The following MCPH1 variants were observed in gnomAD, a reference collection of about 807,000 sequenced individuals.
MCPH1 encodes the protein microcephalin.
Under a neutral mutation model 84.5 loss-of-function variants are expected in MCPH1, and 104 were observed. That is an observed-to-expected ratio of 1.23 (90% CI 1.05 to 1.45). The LOEUF (loss-of-function observed/expected upper bound fraction) is 1.45. Among genes scored for constraint, MCPH1 ranks in the 40% most tolerant of loss-of-function variants. The pLI is 0.00. For missense variants in MCPH1, 1,498 were observed against 1,005.7 expected, an observed-to-expected ratio of 1.49 and a Z score of -6.62; for synonymous variants, 514 against 366.8, an observed-to-expected ratio of 1.40 and a Z score of -4.58.
chr8:6,602,855 A>G (rs1048060487), intron 12 of MCPH1, among the ~76,000 whole-genome samples: 2 of 152,098 alleles, frequency 1.3e-5, no homozygotes, highest in African/African-American at 4.8e-5. Flanking sequence ...GGCTATTTAA[A>G]GAGATGCAAT....
intron 12 of MCPH1, among the ~76,000 whole-genome samples, chr8:6,568,309 C>G (rs1407713434): frequency 1.4e-5 from 2 of 141,010 alleles, no homozygotes; most frequent in African/African-American, 5.8e-5. Context: ...CCATCGCTAG[C>G]TGAATGTGGA....
intron 12 of MCPH1, among the ~76,000 whole-genome samples, chr8:6,504,063 A>T (rs1256076256): frequency 1.3e-5 from 2 of 152,212 alleles, no homozygotes; most frequent in African/African-American, 4.8e-5. Flanking sequence ...TCACGCCTGT[A>T]ATCCCAGCAC....
intron 12 of MCPH1, among the ~76,000 whole-genome samples, chr8:6,613,520 G>A (rs746202648): frequency 2.0e-5 from 3 of 152,046 alleles, no homozygotes; most frequent in African/African-American, 2.4e-5. Flanking sequence ...AGTCGCATCC[G>A]CTGGGCAGGG....
chr8:6,439,136 C>A (rs761465085), intron 6 of MCPH1, 40 bp downstream of exon 6: 29 of 1,585,992 alleles, frequency 1.8e-5, no homozygotes, highest in Non-Finnish European at 2.4e-5. Context: ...ATGCAAATAG[C>A]CGATTCAATT....
chr8:6,439,527 G>T (rs1803192552), intron 6 of MCPH1, among the ~76,000 whole-genome samples: 1 of 151,388 alleles, frequency 6.6e-6, no homozygotes, highest in Non-Finnish European at 1.5e-5. Context: ...TGGGATTACA[G>T]GCGCCTGTCA....
intron 9 of MCPH1, among the ~76,000 whole-genome samples, chr8:6,465,456 T>A (rs1352946197): frequency 6.6e-6 from 1 of 152,194 alleles, no homozygotes; most frequent in Non-Finnish European, 1.5e-5. Context: ...ATTCTCTTCC[T>A]CTTACCAGTA....
In MCPH1 at chr8:6,527,282, A is replaced by G. The variant is rs138063769; in HGVS notation, c.2214+27353A>G. 2.2e-3 allele frequency among the ~76,000 whole-genome samples: 329 copies of G among 151,970 alleles called. 1 individual carries two copies. The highest frequency in any genetic ancestry group is 7.8e-3 in the African/African-American group (321 of 41,388). Reference sequence around the variant, plus strand: ...AGCTGTATTTTTATAATAGATTAGCATGCAGAATACTGAGGCAGGGTTTGG... The same window carrying G: ...AGCTGTATTTTTATAATAGATTAGCGTGCAGAATACTGAGGCAGGGTTTGG... On this transcript the variant is annotated intron_variant, in intron 12 of 13. Transcript: ENST00000344683.
intron 12 of MCPH1, among the ~76,000 whole-genome samples, chr8:6,610,392 T>C (rs1342209597): frequency 6.6e-6 from 1 of 152,242 alleles, no homozygotes; most frequent in Non-Finnish European, 1.5e-5. Context: ...GATTAGAATA[T>C]CCTTTTATAA....
intron 8 of MCPH1, among the ~76,000 whole-genome samples, chr8:6,452,521 G>A (rs949533739): frequency 6.6e-6 from 1 of 152,252 alleles, no homozygotes; most frequent in Non-Finnish European, 1.5e-5. Context: ...GGGAAATGCT[G>A]TGGACCAAAT....
Position 6,531,918 on chromosome 8 carries a change from G to T in MCPH1, c.2214+31989G>T, listed in dbSNP as rs144209712. ...ATTCAGGTTTTATCTTAACTCAAGA[G>T]TTAGATTTAAGGCCAGAGTTTCTAG... On this transcript the variant is annotated intron_variant, in intron 12 of 13. Transcript: ENST00000344683. Among the ~76,000 whole-genome samples, 930 of 152,320 alleles carry T rather than the reference G, an allele frequency of 6.1e-3. 5 individuals carry two copies. The highest frequency in any genetic ancestry group is 0.01 in the Non-Finnish European group (684 of 68,032).
chr8:6,508,716 T>C, intron 12 of MCPH1: 2 of 655,412 alleles, frequency 3.1e-6, no homozygotes, highest in South Asian at 1.9e-5. Flanking sequence ...GGAGACACAG[T>C]TGGCTTGCTG....
At chr8:6,602,524 T>C (rs981411172) in intron 12 of MCPH1, among the ~76,000 whole-genome samples, 6 of 152,104 alleles carry the variant, frequency 3.9e-5, no homozygotes, top group African/African-American at 1.4e-4. Flanking sequence ...GGTGTGGGGC[T>C]GAGTGGCGGC....
Position 6,445,463 on chromosome 8 carries a change from G to C in MCPH1, c.1741G>C (p.Glu581Gln). ...SNSSEGEAQS[E>Q]HEPCFIVDCN... is the part of the protein sequence containing the mutation. ...CTCCTCTGAAGGCGAAGCCCAGAGTGAACATGAGCCATGTTTTATAGTTGA... is the reference window on the plus strand; with the variant it reads ...CTCCTCTGAAGGCGAAGCCCAGAGTCAACATGAGCCATGTTTTATAGTTGA... Residue 581 changes from glutamate (E) to glutamine (Q), a missense_variant, in exon 8 of 14, where the codon GAA becomes CAA. By Grantham distance (29) the Glu-to-Gln change is conservative. Coordinates refer to ENST00000344683, the MANE Select transcript of MCPH1 (RefSeq NM_024596.5). 1 of 1,614,196 alleles carries C rather than the reference G, an allele frequency of 6.2e-7. No individual in the cohort carries two copies. Among genetic ancestry groups the C allele is most frequent in the Admixed American group, 1.7e-5 (1 of 60,024 alleles).
chr8:6,621,052 C>T (rs1315278644), intron 12 of MCPH1: 2 of 314,142 alleles, frequency 6.4e-6, no homozygotes, highest in Non-Finnish European at 1.2e-5. Context: ...TGACGCTCTC[C>T]CAGCACAGCC....
At chr8:6,524,686 A>G (rs1315334952) in intron 12 of MCPH1, among the ~76,000 whole-genome samples, 4 of 152,230 alleles carry the variant, frequency 2.6e-5, no homozygotes, top group African/African-American at 4.8e-5. Flanking sequence ...GGAAATTTAG[A>G]TGTTTTGATG....
At chr8:6,437,594 G>T (rs949000931) in intron 5 of MCPH1, among the ~76,000 whole-genome samples, 4 of 152,166 alleles carry the variant, frequency 2.6e-5, no homozygotes, top group Non-Finnish European at 5.9e-5. Flanking sequence ...CCCACATAGT[G>T]CTGCCACATA....
At chr8:6,598,379 G>A (rs955497300) in intron 12 of MCPH1, among the ~76,000 whole-genome samples, 8 of 152,134 alleles carry the variant, frequency 5.3e-5, no homozygotes, top group African/African-American at 1.7e-4. Flanking sequence ...CAGAAGCCCC[G>A]AACCCAAAGA....
intron 13 of MCPH1, chr8:6,635,337 G>A (rs1797469921): frequency 6.6e-6 from 1 of 152,282 alleles, no homozygotes; most frequent in Non-Finnish European, 1.5e-5. Flanking sequence ...GCTCAGGTGT[G>A]ATGGGTTAAC....
chr8:6,592,882 G>A (rs1025825829), intron 12 of MCPH1, among the ~76,000 whole-genome samples: 1 of 149,036 alleles, frequency 6.7e-6, no homozygotes, highest in Non-Finnish European at 1.5e-5. Context: ...GCTCAGGCTG[G>A]TCTCAAACTC....
Sources: allele counts gnomAD v4.1 joint callset (sites outside exome capture counted in the v4.1 genomes callset), GRCh38; gene constraint gnomAD v4.1.1; transcripts MANE v1.5; gene names NCBI Gene and HGNC (gene_info 2026-07-23, HGNC 2026-07-21).